The following ZBTB16 variants were observed in gnomAD, a reference collection of about 807,000 sequenced individuals.
ZBTB16 encodes zinc finger and BTB domain-containing protein 16.
In ZBTB16, 8 loss-of-function variants were observed where a neutral mutation model predicts 56.8. That is an observed-to-expected ratio of 0.14 (90% CI 0.08 to 0.25). The LOEUF (loss-of-function observed/expected upper bound fraction) is 0.25. ZBTB16 is among the 10% of genes least tolerant of loss of function. ZBTB16 has a pLI of 1.00. For synonymous variants in ZBTB16, 363 were observed against 368.5 expected (o/e 0.98, Z 0.17); for missense variants, 625 against 903.0 (o/e 0.69, Z 3.95).
At chr11:114,166,726 T>A (rs576710276) in intron 3 of ZBTB16, among the ~76,000 whole-genome samples, 1 of 152,268 alleles carries the variant, frequency 6.6e-6, no homozygotes, top group African/African-American at 2.4e-5. Context: ...GTTTCTACCT[T>A]TTGGATTCAG....
intron 2 of ZBTB16, among the ~76,000 whole-genome samples, chr11:114,123,537 C>T (rs556670376): frequency 6.6e-6 from 1 of 152,012 alleles, no homozygotes; most frequent in African/African-American, 2.4e-5. Context: ...ACATGTCTGT[C>T]TGTGTGTATG....
chr11:114,072,367 C>T (rs1033049659), intron 2 of ZBTB16, among the ~76,000 whole-genome samples: 3 of 152,198 alleles, frequency 2.0e-5, no homozygotes, highest in East Asian at 1.9e-4. Flanking sequence ...AGCCGGGCAG[C>T]GCTCCACTGC....
chr11:114,092,526 G>A (rs1940230949), intron 2 of ZBTB16, among the ~76,000 whole-genome samples: 2 of 152,176 alleles, frequency 1.3e-5, no homozygotes, highest in South Asian at 2.1e-4. Flanking sequence ...AGAAGACCCC[G>A]CTGTCCTCTG....
chr11:114,090,144 C>T (rs1940130497), intron 2 of ZBTB16, among the ~76,000 whole-genome samples: 1 of 152,224 alleles, frequency 6.6e-6, no homozygotes, highest in Admixed American at 6.5e-5. Flanking sequence ...CCTGCAGAGG[C>T]AGAGTGGCTA....
intron 3 of ZBTB16, among the ~76,000 whole-genome samples, chr11:114,166,566 C>T (rs190765204): frequency 2.6e-5 from 4 of 152,194 alleles, no homozygotes; most frequent in African/African-American, 4.8e-5. Context: ...GTAATGGGCC[C>T]GCACAGACCA....
chr11:114,206,532 CCAGGG>C (rs2135118525), intron 4 of ZBTB16, among the ~76,000 whole-genome samples: 1 of 152,328 alleles, frequency 6.6e-6, no homozygotes, highest in African/African-American at 2.4e-5. Context: ...AGGGTCTGCA[CCAGGG>C]CTCTGTATGG....
intron 3 of ZBTB16, among the ~76,000 whole-genome samples, chr11:114,157,532 C>T (rs892879363): frequency 6.6e-6 from 1 of 152,132 alleles, no homozygotes; most frequent in African/African-American, 2.4e-5. Flanking sequence ...GAGCCTGTTG[C>T]CCCGGGGGGC....
chr11:114,070,922 G>T (rs1421394339), intron 2 of ZBTB16, among the ~76,000 whole-genome samples: 1 of 152,184 alleles, frequency 6.6e-6, no homozygotes, highest in East Asian at 1.9e-4. Flanking sequence ...GAGAGAGGTT[G>T]TTGGTTGTGA....
intron 2 of ZBTB16, among the ~76,000 whole-genome samples, chr11:114,138,955 C>T (rs631173): frequency 2.0e-5 from 3 of 152,156 alleles, no homozygotes; most frequent in South Asian, 2.1e-4. Context: ...CCTCCCAAAG[C>T]GCTGGGATTA....
rs1297802318 is a variant in ZBTB16, at chr11:114,250,499, G to A, written c.1966G>A (p.Glu656Lys). 6.2e-7 allele frequency: 1 copy of A among 1,614,188 alleles called. No individual in the cohort carries two copies. The part of the protein sequence containing the change: ...QKHMKGHKPE[E>K]IPPDWRIEKT... ...GCACATGAAGGGCCACAAGCCCGAG[G>A]AGATCCCGCCCGACTGGAGGATAGA... Residue 656 changes from glutamate to lysine, a missense_variant, in exon 7 of 7, where the codon GAG (glutamate) becomes AAG (lysine). Physicochemically the swap from Glu to Lys is moderately conservative, Grantham distance 56. Transcript: ENST00000335953. This position sits in a 1 kb window ranked among gnomAD's most constrained non-coding sequence, Gnocchi z 6.0.
chr11:114,116,348 G>A (rs1365047088), intron 2 of ZBTB16, among the ~76,000 whole-genome samples: 1 of 152,192 alleles, frequency 6.6e-6, no homozygotes, highest in Non-Finnish European at 1.5e-5. Flanking sequence ...TGTCTGAAAT[G>A]AGTGTTTTGA....
At chr11:114,145,074 T>C (rs1487154367) in intron 2 of ZBTB16, among the ~76,000 whole-genome samples, 1 of 152,264 alleles carries the variant, frequency 6.6e-6, no homozygotes, top group Non-Finnish European at 1.5e-5. Flanking sequence ...TGTCTGCAGA[T>C]GAAGATGCTA....
chr11:114,203,711 C>T (rs889484650), intron 4 of ZBTB16, among the ~76,000 whole-genome samples: 6 of 152,196 alleles, frequency 3.9e-5, no homozygotes, highest in African/African-American at 1.4e-4. Flanking sequence ...CCTATACCTG[C>T]GGCATCACAG....
intron 2 of ZBTB16, among the ~76,000 whole-genome samples, chr11:114,116,520 G>A (rs370391746): frequency 3.9e-5 from 6 of 152,282 alleles, no homozygotes; most frequent in African/African-American, 7.2e-5. Flanking sequence ...TGAGCATTGC[G>A]TCATTGCATC....
chr11:114,152,204 A>G (rs1248239489), intron 2 of ZBTB16, among the ~76,000 whole-genome samples: 1 of 152,216 alleles, frequency 6.6e-6, no homozygotes, highest in African/African-American at 2.4e-5. Context: ...CTTTTGAACG[A>G]GGCCTCATGA....
Position 114,246,046 on chromosome 11 carries a change from A to G in ZBTB16, c.1625-1152A>G, listed in dbSNP as rs573063119. ...CCCCACTTTGGATATGAAAGGCAAGATGGTTATTCTCCACACCCCAACCTC... is the reference window on the plus strand; with the variant it reads ...CCCCACTTTGGATATGAAAGGCAAGGTGGTTATTCTCCACACCCCAACCTC... On this transcript the variant is annotated intron_variant, in intron 5 of 6. Transcript: ENST00000335953. Among the ~76,000 whole-genome samples, 76 of 152,174 alleles carry G rather than the reference A, an allele frequency of 5.0e-4. 1 individual carries two copies. The highest frequency in any genetic ancestry group is 1.5e-5 in the Non-Finnish European group (1 of 67,998).
At chr11:114,146,653 C>A (rs1256827817) in intron 2 of ZBTB16, among the ~76,000 whole-genome samples, 1 of 151,870 alleles carries the variant, frequency 6.6e-6, no homozygotes, top group African/African-American at 2.4e-5. Context: ...TGGAGACAGC[C>A]TGGCCAATGC....
intron 3 of ZBTB16, among the ~76,000 whole-genome samples, chr11:114,167,309 TTCTCTC>T (rs3057734): frequency 1.5e-5 from 2 of 131,218 alleles, no homozygotes; most frequent in Admixed American, 1.6e-4. Context: ...TGGCTGTGTT[TTCTCTC>T]TCTCTCTCTC....
intron 4 of ZBTB16, among the ~76,000 whole-genome samples, chr11:114,221,758 G>C (rs1944235778): frequency 6.6e-6 from 1 of 152,184 alleles, no homozygotes; most frequent in Non-Finnish European, 1.5e-5. Flanking sequence ...GAGGGAGGCA[G>C]TCTTTAGCAT....
Sources: gnomAD v4.1 joint callset for allele counts (sites outside exome capture counted in the v4.1 genomes callset) on GRCh38, gnomAD v4.1.1 for gene constraint, Gnocchi (gnomAD v3.1) non-coding constraint, MANE v1.5 for transcripts, NCBI Gene and HGNC (gene_info 2026-07-23, HGNC 2026-07-21) for gene names.